TECTA: variants seen among roughly 807,000 people sequenced by gnomAD.
The protein encoded by TECTA is alpha-tectorin.
TECTA carries 128 observed loss-of-function variants against 216.8 expected under a neutral mutation model. The observed-to-expected ratio is 0.59, with a 90% CI of 0.51 to 0.68. TECTA has a LOEUF of 0.68. Ranked by LOEUF, TECTA falls within the 30% of genes least tolerant of loss-of-function variation. TECTA has a pLI of 0.00. For synonymous variants in TECTA, 1,089 were observed against 1,117.1 expected (o/e 0.97, Z 0.50); for missense variants, 2,551 against 2,786.2 (o/e 0.92, Z 1.90).
At chr11:121,174,652 C>T (rs527631065) in intron 20 of TECTA, among the ~76,000 whole-genome samples, 121 of 152,240 alleles carry the variant, frequency 7.9e-4, no homozygotes, top group Non-Finnish European at 1.5e-3. Flanking sequence ...CTAAAATTCT[C>T]TTTTTTGGTT....
intron 9 of TECTA, among the ~76,000 whole-genome samples, chr11:121,129,019 CA>C (rs1946644974): frequency 6.6e-6 from 1 of 152,198 alleles, no homozygotes; most frequent in Non-Finnish European, 1.5e-5. Flanking sequence ...AACGGGGATG[CA>C]ACATGCATTT....
At chr11:121,124,962 G>T (rs747590894) in intron 7 of TECTA, among the ~76,000 whole-genome samples, 2 of 152,230 alleles carry the variant, frequency 1.3e-5, no homozygotes, top group Non-Finnish European at 2.9e-5. Flanking sequence ...CAGAGGAAAA[G>T]GGAGGTGACT....
intron 20 of TECTA, among the ~76,000 whole-genome samples, chr11:121,173,906 G>C (rs896388889): frequency 2.3e-4 from 35 of 151,748 alleles, no homozygotes; most frequent in Middle Eastern, 6.8e-3. Flanking sequence ...GGTCCTTCAC[G>C]TCCCTTGTAA....
At chr11:121,178,427 C>T (rs592160) in intron 20 of TECTA, among the ~76,000 whole-genome samples, 70,946 of 151,574 alleles carry the variant, frequency 0.47, 19,485 homozygotes, top group African/African-American at 0.77. Flanking sequence ...TTGATCATGG[C>T]GTATTATCTT....
intron 4 of TECTA, 144 bp downstream of exon 4, chr11:121,109,642 T>G: frequency 1.0e-6 from 1 of 977,582 alleles, no homozygotes; most frequent in Non-Finnish European, 1.6e-6. Context: ...CTACCCACTT[T>G]GCAGGAAACA....
Position 121,130,079 on chromosome 11 carries a change from C to T in TECTA, c.2809C>T (p.Arg937Cys), listed in dbSNP as rs749859800. Reference protein sequence around the residue: ...HGVVNVTAYYRTCLFRLCQSG... With the variant: ...HGVVNVTAYYCTCLFRLCQSG... ...GGTGGTGAACGTCACTGCCTATTAC[C>T]GCACCTGCCTTTTCCGCCTGTGCCA... Residue 937 changes from arginine to cysteine, a missense_variant, in exon 10 of 24, where the codon CGC becomes TGC. This residue lies in a region of TECTA where 2,375 missense variants were observed against 2,563.9 expected (regional missense o/e 0.93). Coordinates refer to ENST00000392793, the MANE Select transcript of TECTA (RefSeq NM_005422.4). 26 of 1,614,010 alleles carry T rather than the reference C, an allele frequency of 1.6e-5. No homozygotes were observed. In the East Asian group the frequency reaches 1.8e-4, roughly 11 times the overall value.
chr11:121,125,214 G>A (rs1338211033), intron 7 of TECTA, 88 bp from the exon 8 acceptor site: 1 of 1,364,540 alleles, frequency 7.3e-7, no homozygotes, highest in Non-Finnish European at 1.0e-6. Context: ...GGAGTGTTGA[G>A]TTGCTTTGCC....
intron 16 of TECTA, among the ~76,000 whole-genome samples, chr11:121,163,690 A>C (rs1029178466): frequency 6.6e-6 from 1 of 152,236 alleles, no homozygotes; most frequent in Non-Finnish European, 1.5e-5. Context: ...AAAAAAATAC[A>C]TATATCATTA....
intron 13 of TECTA, 120 bp downstream of exon 13, chr11:121,153,200 G>T: frequency 8.7e-7 from 1 of 1,144,456 alleles, no homozygotes; most frequent in Non-Finnish European, 1.2e-6. Flanking sequence ...CGTGTTCGTG[G>T]CAGGGGAATG....
chr11:121,114,964 C>T (rs1946486556), intron 6 of TECTA, among the ~76,000 whole-genome samples: 1 of 43,124 alleles, frequency 2.3e-5, no homozygotes, highest in Non-Finnish European at 4.3e-5. Context: ...CACCCATTCA[C>T]CCACCCATCC....
intron 11 of TECTA, among the ~76,000 whole-genome samples, chr11:121,138,707 G>C (rs548375037): frequency 3.9e-5 from 6 of 152,308 alleles, no homozygotes; most frequent in African/African-American, 1.4e-4. Context: ...AGGCTGAGGA[G>C]CTCTGTGCAC....
At chr11:121,183,487 C>T (rs1288545818) in intron 20 of TECTA, among the ~76,000 whole-genome samples, 11 of 152,186 alleles carry the variant, frequency 7.2e-5, no homozygotes, top group African/African-American at 2.2e-4. Flanking sequence ...TACCTTTTCC[C>T]ATATTGGGAA....
At position 121,168,147 on chromosome 11, in the gene TECTA, G is replaced by A. The variant is rs1165534894; in HGVS notation, c.5680G>A (p.Val1894Met). 1.2e-6 allele frequency: 2 copies of A among 1,614,202 alleles called. No individual in the cohort carries two copies. The highest frequency in any genetic ancestry group is 1.7e-6 in the Non-Finnish European group (2 of 1,180,036). The change falls in exon 19 of 24, where the codon GTG becomes ATG. Residue 1894 changes from valine (V) to methionine (M), a missense_variant. This residue lies in a region of TECTA where 2,375 missense variants were observed against 2,563.9 expected (regional missense o/e 0.93). Coordinates refer to ENST00000392793, the MANE Select transcript of TECTA (RefSeq NM_005422.4). ...CATCACCAGGGACCGCACGATCAAT[G>A]TGGAATTTTCATGTGCTTATGAGCT... ...NIITRDRTIN[V>M]EFSCAYELDI...
In TECTA at chr11:121,162,147, G is replaced by T. The variant is rs140402847; in HGVS notation, c.5049G>T (p.Gln1683His). 2 of 1,614,224 alleles carry T rather than the reference G, an allele frequency of 1.2e-6. No homozygotes were observed. Reference protein sequence around the residue: ...YAAMCDNVHIQKMQGDGYCLK... With the variant: ...YAAMCDNVHIHKMQGDGYCLK... Reference sequence around the variant, plus strand: ...CCATGTGTGACAATGTGCACATCCAGAAGATGCAGGGTGATGGCTACTGCC... The same window carrying T: ...CCATGTGTGACAATGTGCACATCCATAAGATGCAGGGTGATGGCTACTGCC... Residue 1683 changes from glutamine to histidine, a missense_variant, in exon 16 of 24, where the codon CAG becomes CAT. By Grantham distance (24) the Gln-to-His change is conservative. Around this residue, in one of 3 missense-constraint regions of TECTA, gnomAD observed 2,375 missense variants for 2,563.9 expected, o/e 0.93. Coordinates refer to ENST00000392793, the MANE Select transcript of TECTA (RefSeq NM_005422.4).
In TECTA at chr11:121,125,545, G is replaced by A; in HGVS notation, c.1447G>A (p.Val483Ile). 1 of 1,614,208 alleles carries A rather than the reference G, an allele frequency of 6.2e-7. No individual in the cohort carries two copies. Among genetic ancestry groups the A allele is most frequent in the African/African-American group, 1.3e-5 (1 of 75,072 alleles). Residue 483 changes from valine (V) to isoleucine (I), a missense_variant, in exon 8 of 24, where the codon GTC (valine) becomes ATC (isoleucine). Coordinates refer to ENST00000392793, the MANE Select transcript of TECTA (RefSeq NM_005422.4). ...LRPDGRPAMS[V>I]LDLGESWRVY... Reference sequence around the variant, plus strand: ...CCCGGATGGCAGGCCGGCCATGTCTGTCCTGGATCTGGGAGAGAGCTGGCG... The same window carrying A: ...CCCGGATGGCAGGCCGGCCATGTCTATCCTGGATCTGGGAGAGAGCTGGCG...
intron 20 of TECTA, among the ~76,000 whole-genome samples, chr11:121,170,298 A>G (rs1947097965): frequency 6.6e-6 from 1 of 152,244 alleles, no homozygotes; most frequent in Non-Finnish European, 1.5e-5. Context: ...TATTGTGAAT[A>G]GTGCTGCAAT....
In TECTA at chr11:121,105,783, A is replaced by G. The variant is rs1946384400; in HGVS notation, c.65-48A>G. The G allele has an allele frequency of 3.7e-6, 6 of 1,612,676 alleles. 1 individual carries two copies. Among genetic ancestry groups the G allele is most frequent in the Middle Eastern group, 3.4e-4 (2 of 5,952 alleles). ...TAGGTAGGAGAGATGTAGATTGCCAAACGGCAGAGGGAGCTGCCATCTATC... is the reference window on the plus strand; with the variant it reads ...TAGGTAGGAGAGATGTAGATTGCCAGACGGCAGAGGGAGCTGCCATCTATC... On this transcript the variant is annotated intron_variant, in intron 2 of 23. Coordinates refer to ENST00000392793, the MANE Select transcript of TECTA (RefSeq NM_005422.4). This position sits in a 1 kb window ranked among gnomAD's most constrained non-coding sequence, Gnocchi z 5.3.
In TECTA at chr11:121,105,751, G is replaced by A. The variant is rs114256496; in HGVS notation, c.65-80G>A. On this transcript the variant is annotated intron_variant, in intron 2 of 23. Transcript: ENST00000392793. The surrounding 1 kb of genome is among the most constrained non-coding windows in gnomAD (Gnocchi z 5.3). The stretch of plus-strand genomic sequence containing the variant: ...TTGCAAGCCCTACTGAAAGAAGCTG[G>A]CTTCAGTAGGTAGGAGAGATGTAGA... The A allele has an allele frequency of 2.4e-3, 3,843 of 1,583,210 alleles. 100 individuals are homozygous for A. In the African/African-American group the frequency reaches 0.045, roughly 19 times the overall value.
In TECTA at chr11:121,161,558, T is replaced by TCCCC. The variant is rs1565534097; in HGVS notation, c.4977-517_4977-516insCCCC. 7.3e-4 allele frequency among the ~76,000 whole-genome samples: 5 copies of TCCCC among 6,846 alleles called. 1 individual carries two copies. The highest frequency in any genetic ancestry group is 3.1e-3 in the Admixed American group (2 of 646). 4.5% of individuals were successfully genotyped at this position (6,846 alleles called of 152,430 possible). On this transcript the variant is annotated intron_variant, in intron 15 of 23. Transcript: ENST00000392793. Reference sequence around the variant, plus strand: ...CCCTCCCTCCTTCCCTTCCCTTCCCTTCCCTTCCCTCCCCTTCCTTTTTAA... The same window carrying TCCCC: ...CCCTCCCTCCTTCCCTTCCCTTCCCTCCCCTCCCTTCCCTCCCCTTCCTTTTTAA...
Sources: allele counts gnomAD v4.1 joint callset (sites outside exome capture counted in the v4.1 genomes callset), GRCh38; gene constraint gnomAD v4.1.1; regional missense constraint gnomAD v4.1.1; non-coding constraint Gnocchi (gnomAD v3.1); transcripts MANE v1.5; gene names NCBI Gene and HGNC (gene_info 2026-07-23, HGNC 2026-07-21).